The following FHAD1 variants were observed in gnomAD, a reference collection of about 807,000 sequenced individuals.
The protein encoded by FHAD1 is forkhead-associated domain-containing protein 1.
Under a neutral mutation model 191.3 loss-of-function variants are expected in FHAD1, and 146 were observed. The ratio of observed to expected loss-of-function variants is 0.76; its 90% confidence interval spans 0.67 to 0.88. The LOEUF is 0.88. FHAD1 is among the 40% of genes least tolerant of loss of function. The probability of loss-of-function intolerance (pLI) is 0.00; values close to 1 mark genes in which losing one functional copy is unlikely to be tolerated. For missense variants in FHAD1, 1,635 were observed against 1,785.8 expected (o/e 0.92, Z 1.52); for synonymous variants, 616 against 672.3 (o/e 0.92, Z 1.29).
chr1:15,401,686 T>C (rs899505798), downstream of FHAD1, among the ~76,000 whole-genome samples: 2 of 152,196 alleles, frequency 1.3e-5, no homozygotes, highest in Non-Finnish European at 2.9e-5. Flanking sequence ...GTTTCCAATT[T>C]TTTAGGGACT....
At chr1:15,245,125 A>C (rs1573565587), upstream of FHAD1, among the ~76,000 whole-genome samples, 1 of 152,188 alleles carries the variant, frequency 6.6e-6, no homozygotes, top group South Asian at 2.1e-4. Flanking sequence ...CAGGAACAGC[A>C]CCAAGCCATC....
intron 2 of FHAD1, among the ~76,000 whole-genome samples, chr1:15,264,415 C>T (rs995326302): frequency 2.6e-5 from 4 of 151,892 alleles, no homozygotes; most frequent in Non-Finnish European, 4.4e-5. Flanking sequence ...GAATGGCTTT[C>T]TTATTTTACT....
Position 15,362,686 on chromosome 1 carries a change from A to T in FHAD1, c.3007A>T (p.Thr1003Ser), listed in dbSNP as rs201087260. Residue 1003 changes from threonine to serine, a missense_variant, in exon 23 of 34, where the codon ACA (threonine) becomes TCA (serine). Physicochemically the swap from Thr to Ser is moderately conservative, Grantham distance 58. Coordinates refer to ENST00000688493, the MANE Select transcript of FHAD1 (RefSeq NM_001391957.1). ...GCAAGACCCTCTGGTGGCTCCCATG[A>T]CAGAGAGCAGTGCCAAAGACATGGC... Reference protein sequence around the residue: ...RPQDPLVAPMTESSAKDMAYE... With the variant: ...RPQDPLVAPMSESSAKDMAYE... 4.4e-4 allele frequency: 683 copies of T among 1,551,674 alleles called. No individual in the cohort carries two copies. Among genetic ancestry groups the T allele is most frequent in the Non-Finnish European group, 5.7e-4 (652 of 1,146,994 alleles).
chr1:15,237,327 C>T (rs1295124402), intron 1 of FHAD1, among the ~76,000 whole-genome samples: 4 of 152,344 alleles, frequency 2.6e-5, no homozygotes, highest in African/African-American at 9.6e-5. Flanking sequence ...CTCCCTCTGT[C>T]CCACGGTTGC....
chr1:15,258,654 G>A (rs565004679), intron 2 of FHAD1, among the ~76,000 whole-genome samples: 5 of 151,110 alleles, frequency 3.3e-5, no homozygotes, highest in African/African-American at 7.3e-5. Context: ...GCACAATCTC[G>A]GCTCACTGCC....
At chr1:15,365,707 C>A in intron 23 of FHAD1, 120 bp from the exon 24 acceptor site, 1 of 622,286 alleles carries the variant, frequency 1.6e-6, no homozygotes, top group Non-Finnish European at 2.9e-6. Flanking sequence ...TTTGCTGGGA[C>A]TGGCGTTGCA....
downstream of FHAD1, among the ~76,000 whole-genome samples, chr1:15,399,533 T>A (rs1398822915): frequency 1.3e-5 from 2 of 152,044 alleles, no homozygotes; most frequent in Non-Finnish European, 2.9e-5. Context: ...ACCACTGCAT[T>A]CCAGCCTGGG....
intron 22 of FHAD1, 37 bp downstream of exon 22, chr1:15,360,740 C>T (rs920071479): frequency 4.6e-6 from 7 of 1,523,154 alleles, no homozygotes; most frequent in Admixed American, 2.0e-5. Context: ...TCTTAGTGTT[C>T]GGGGCAGGTT....
Position 15,339,471 on chromosome 1 carries a change from T to G in FHAD1, c.1907-10T>G. On this transcript the variant is annotated splice_polypyrimidine_tract_variant and intron_variant, in intron 14 of 33. Coordinates refer to ENST00000688493, the MANE Select transcript of FHAD1 (RefSeq NM_001391957.1). ...GATACTTACATTCTTCCTGCTTCTC[T>G]TTTTTTAAGGGTTCTCTTTGTATCT... 1 of 1,236,838 alleles carries G rather than the reference T, an allele frequency of 8.1e-7. No homozygotes were observed. The highest frequency in any genetic ancestry group is 1.6e-5 in the African/African-American group (1 of 63,412). The allele number at this position is 1,236,838 out of a possible 1,614,324, so 76.6% of individuals were successfully genotyped here.
chr1:15,376,890 C>T (rs564723470), intron 28 of FHAD1, among the ~76,000 whole-genome samples: 76 of 152,148 alleles, frequency 5.0e-4, no homozygotes, highest in African/African-American at 1.6e-3. Flanking sequence ...TTAAAAATAA[C>T]GCTAGTCAGG....
Position 15,311,521 on chromosome 1 carries a change from C to A in FHAD1, c.1040-1536C>A, listed in dbSNP as rs536544802. Among the ~76,000 whole-genome samples the A allele has an allele frequency of 6.6e-6, 1 of 152,254 alleles. No homozygotes were observed. Among genetic ancestry groups the A allele is most frequent in the East Asian group, 1.9e-4 (1 of 5,178 alleles). On this transcript the variant is annotated intron_variant, in intron 7 of 33. Transcript: ENST00000688493. This position sits in a 1 kb window ranked among gnomAD's most constrained non-coding sequence, Gnocchi z 4.1. ...CCGCCTCACAAAGCATGCAGGCAAG[C>A]CCCAGAGAGAGCAGTCTGTTTCTAA...
At chr1:15,373,312 C>A (rs1263605604) in intron 26 of FHAD1, among the ~76,000 whole-genome samples, 1 of 145,376 alleles carries the variant, frequency 6.9e-6, no homozygotes, top group African/African-American at 2.8e-5. Context: ...AGTTCGAGAC[C>A]AGCCTGGCCA....
At chr1:15,304,616 A>G (rs1669841437) in intron 6 of FHAD1, among the ~76,000 whole-genome samples, 1 of 152,108 alleles carries the variant, frequency 6.6e-6, no homozygotes, top group Non-Finnish European at 1.5e-5. Context: ...TTTATGGGAG[A>G]GTTGCATGTC....
intron 4 of FHAD1, among the ~76,000 whole-genome samples, chr1:15,295,379 C>G (rs1362732942): frequency 6.6e-6 from 1 of 152,140 alleles, no homozygotes; most frequent in Non-Finnish European, 1.5e-5. Flanking sequence ...GAGGCTGAGA[C>G]AGGAGGATCA....
In FHAD1 at chr1:15,360,631, A is replaced by T. The variant is rs1369179182; in HGVS notation, c.2890A>T (p.Lys964Ter). Residue 964 changes from lysine (K) to a stop codon, truncating the protein, a stop_gained, in exon 22 of 34, where the codon AAA (lysine) becomes TAA (stop). Coordinates refer to ENST00000688493, the MANE Select transcript of FHAD1 (RefSeq NM_001391957.1). LOFTEE classifies it high-confidence loss of function. ...CCAGACAATTGTGAGCCTCGAAGAG[A>T]AACTCCAGAAAGTCACTCAGCACCA... is the stretch of plus-strand genomic sequence containing the variant. ...HAQTIVSLEE[K>*]LQKVTQHHKK... is the part of the protein sequence containing the mutation. 2 of 1,552,060 alleles carry T rather than the reference A, an allele frequency of 1.3e-6. No individual in the cohort carries two copies. The highest frequency in any genetic ancestry group is 3.9e-5 in the Admixed American group (2 of 51,008).
intron 5 of FHAD1, among the ~76,000 whole-genome samples, chr1:15,300,177 A>AT (rs901083560): frequency 4.6e-5 from 7 of 151,864 alleles, no homozygotes; most frequent in African/African-American, 7.3e-5. Flanking sequence ...AGTTTGGGGG[A>AT]TTTTTTCCCC....
At chr1:15,304,813 C>A (rs1669899867) in intron 6 of FHAD1, among the ~76,000 whole-genome samples, 1 of 152,070 alleles carries the variant, frequency 6.6e-6, no homozygotes, top group Non-Finnish European at 1.5e-5. Context: ...ACGAAATGGG[C>A]CGTAGAAATT....
chr1:15,264,416 T>G (rs1573772146), intron 2 of FHAD1, among the ~76,000 whole-genome samples: 1 of 152,240 alleles, frequency 6.6e-6, no homozygotes, highest in South Asian at 2.1e-4. Flanking sequence ...AATGGCTTTC[T>G]TATTTTACTT....
intron 3 of FHAD1, among the ~76,000 whole-genome samples, chr1:15,275,056 G>A (rs1232153685): frequency 3.3e-5 from 5 of 151,762 alleles, no homozygotes; most frequent in Admixed American, 6.6e-5. Flanking sequence ...TCAGCCTCCC[G>A]GGTTCACGCC....
Sources: allele counts gnomAD v4.1 joint callset (sites outside exome capture counted in the v4.1 genomes callset), GRCh38; gene constraint gnomAD v4.1.1; non-coding constraint Gnocchi (gnomAD v3.1); transcripts MANE v1.5; gene names NCBI Gene and HGNC (gene_info 2026-07-23, HGNC 2026-07-21).